Variants in C4orf50 observed in about 807,000 individuals in gnomAD.
C4orf50 encodes the protein uncharacterized protein C4orf50.
In C4orf50, 80 loss-of-function variants were observed where a neutral mutation model predicts 77.2. The ratio of observed to expected loss-of-function variants is 1.04; its 90% CI spans 0.87 to 1.25. The LOEUF is 1.25. C4orf50 is among the 50% of genes most tolerant of loss of function. The pLI is 0.00. For missense variants in C4orf50, 1,257 were observed against 1,152.9 expected (o/e 1.09, Z -1.31); for synonymous variants, 532 against 465.3 (o/e 1.14, Z -1.84).
chr4:5,904,313 C>G (rs981374547), intron 7 of C4orf50: 2 of 152,292 alleles, frequency 1.3e-5, no homozygotes, highest in African/African-American at 4.8e-5. Flanking sequence ...GCAACTGGGC[C>G]GTGATGCTCT....
At chr4:5,923,172 A>G (rs577322130) in intron 7 of C4orf50, 1 of 154,444 alleles carries the variant, frequency 6.5e-6, no homozygotes, top group African/African-American at 2.4e-5. Flanking sequence ...AATGCAAGGG[A>G]GCGATTATAA....
chr4:5,980,200 G>T (rs768362868), exon 29 of C4orf50: 2 of 1,603,336 alleles, frequency 1.2e-6, no homozygotes, highest in South Asian at 1.1e-5. Flanking sequence ...TCCTGGAGGC[G>T]GGTGGCCTCG....
At position 5,900,235 on chromosome 4, in the gene C4orf50, A is replaced by AG; in HGVS notation, c.*2475-2048_*2475-2047insC. ...AGTTTACTCAATAAATTGCTGAGTA[A>AG]AACAAATAGAAAGGACCCCAGCTGT... is the stretch of plus-strand genomic sequence containing the variant. On this transcript the variant is annotated intron_variant, in intron 7 of 7. Coordinates refer to the C4orf50 transcript ENST00000324058. The surrounding 1 kb of genome is among the most constrained non-coding windows in gnomAD (Gnocchi z 4.3). The AG allele has an allele frequency of 6.6e-6, 1 of 152,272 alleles. No individual in the cohort carries two copies. Among genetic ancestry groups the AG allele is most frequent in the East Asian group, 1.9e-4 (1 of 5,174 alleles). 9.4% of individuals were successfully genotyped at this position (152,272 alleles called of 1,614,324 possible).
intron 28 of C4orf50, among the ~76,000 whole-genome samples, chr4:5,983,002 C>A (rs73212636): frequency 0.23 from 34,397 of 151,892 alleles, 4,036 homozygotes; most frequent in Middle Eastern, 0.27. Context: ...GATCTCATGC[C>A]CAGTGCAGTA....
intron 7 of C4orf50, among the ~76,000 whole-genome samples, chr4:5,928,401 C>CG (rs1279784242): frequency 6.6e-6 from 1 of 152,012 alleles, no homozygotes; most frequent in Non-Finnish European, 1.5e-5. Context: ...CACACACACC[C>CG]TGAAGATACC....
At chr4:5,929,703 C>T (rs1373849011) in intron 7 of C4orf50, among the ~76,000 whole-genome samples, 3 of 152,248 alleles carry the variant, frequency 2.0e-5, no homozygotes, top group Admixed American at 1.3e-4. Context: ...GGCTGCCCAG[C>T]GCTCTGTGAG....
exon 28 of C4orf50, chr4:5,990,282 G>A: frequency 8.4e-7 from 1 of 1,186,072 alleles, no homozygotes; most frequent in Non-Finnish European, 1.1e-6. Context: ...CCAAGCTCAG[G>A]TTCTGATGGC....
intron 31 of C4orf50, among the ~76,000 whole-genome samples, chr4:5,968,758 G>A (rs7672568): frequency 6.6e-6 from 1 of 151,130 alleles, no homozygotes; most frequent in Non-Finnish European, 1.5e-5. Flanking sequence ...CCTGGGTTTA[G>A]AGTCAGGTGT....
chr4:5,906,858 A>T (rs1716571554), intron 7 of C4orf50, among the ~76,000 whole-genome samples: 1 of 152,196 alleles, frequency 6.6e-6, no homozygotes, highest in African/African-American at 2.4e-5. Flanking sequence ...ACAAAAATAA[A>T]CCAGATTTAA....
At chr4:5,962,188 G>A (rs753003901) in intron 33 of C4orf50, among the ~76,000 whole-genome samples, 1 of 152,206 alleles carries the variant, frequency 6.6e-6, no homozygotes, top group Non-Finnish European at 1.5e-5. Context: ...TGCTTCTGAA[G>A]GCCTCCCATG....
Position 6,009,630 on chromosome 4 carries a change from GTCACTACAGAA to G in C4orf50, c.427-1109_427-1099del, listed in dbSNP as rs1478601385. 2.0e-5 allele frequency among the ~76,000 whole-genome samples: 3 copies of G among 152,152 alleles called. No individual in the cohort carries two copies. The highest frequency in any genetic ancestry group is 7.2e-5 in the African/African-American group (3 of 41,444). On this transcript the variant is annotated intron_variant, in intron 24 of 33. Coordinates refer to ENST00000531445, the Ensembl canonical transcript of C4orf50. This position sits in a 1 kb window ranked among gnomAD's most constrained non-coding sequence, Gnocchi z 5.6. ...TTGACAGCTTTCAGAATGACCGCAG[GTCACTACAGAA>G]ACGAGGCATCTTCATATGCAAATGC...
At chr4:5,930,903 G>A (rs1001740757) in intron 7 of C4orf50, among the ~76,000 whole-genome samples, 72 of 152,340 alleles carry the variant, frequency 4.7e-4, no homozygotes, top group Non-Finnish European at 6.2e-4. Flanking sequence ...AGAGTGCTGG[G>A]AAGCGGAGAG....
Position 5,992,653 on chromosome 4 carries a change from T to G in C4orf50, c.1221+150A>C. On this transcript the variant is annotated intron_variant, in intron 27 of 33. Coordinates refer to ENST00000531445, the Ensembl canonical transcript of C4orf50. The surrounding 1 kb of genome is among the most constrained non-coding windows in gnomAD (Gnocchi z 5.0). ...GGATGTTTCATTTCCTCTCCTCAAA[T>G]CTCTCTCTCAACTACTTCCAGAATG... is the stretch of plus-strand genomic sequence containing the variant. The G allele has an allele frequency of 3.1e-6, 1 of 323,300 alleles. No individual in the cohort carries two copies. Among genetic ancestry groups the G allele is most frequent in the Non-Finnish European group, 5.6e-6 (1 of 179,220 alleles). 20.0% of individuals were successfully genotyped at this position (323,300 alleles called of 1,614,324 possible).
chr4:5,953,879 G>A (rs969423726), downstream of C4orf50, among the ~76,000 whole-genome samples: 69 of 152,234 alleles, frequency 4.5e-4, no homozygotes, highest in African/African-American at 1.5e-3. Flanking sequence ...TGGCCAGGAC[G>A]GCTGAGGCAG....
At chr4:5,939,390 C>A (rs1012480525) in intron 7 of C4orf50, among the ~76,000 whole-genome samples, 1 of 152,172 alleles carries the variant, frequency 6.6e-6, no homozygotes, top group African/African-American at 2.4e-5. Context: ...CCACAGGGAT[C>A]CAAAATGGTC....
chr4:5,982,206 A>C (rs543635194), intron 28 of C4orf50, among the ~76,000 whole-genome samples: 1 of 151,520 alleles, frequency 6.6e-6, no homozygotes, highest in East Asian at 2.0e-4. Context: ...TGCCTCCTCT[A>C]CCTCCCTCCT....
rs549427990 is a variant in C4orf50, at chr4:6,009,266, C to G, written c.427-734G>C. Among the ~76,000 whole-genome samples, 23 of 152,294 alleles carry G rather than the reference C, an allele frequency of 1.5e-4. No individual in the cohort carries two copies. Among genetic ancestry groups the G allele is most frequent in the South Asian group, 6.2e-4 (3 of 4,818 alleles). On this transcript the variant is annotated intron_variant, in intron 24 of 33. Transcript: ENST00000531445. This position sits in a 1 kb window ranked among gnomAD's most constrained non-coding sequence, Gnocchi z 5.6. ...CTGGACTGGGGTGCACAACCCACTG[C>G]GAAAATTAGAGCCGTTGCCTACTTT...
rs1196103762 is a variant in C4orf50, at chr4:5,916,210, A to G, written c.*2475-18022T>C. Reference sequence around the variant, plus strand: ...TCTGTCCTGGCTTCCCTCACTGGACAGGGAACAGACGCACCAACAGCTCCT... The same window carrying G: ...TCTGTCCTGGCTTCCCTCACTGGACGGGGAACAGACGCACCAACAGCTCCT... On this transcript the variant is annotated intron_variant, in intron 7 of 7. Transcript: ENST00000324058. The surrounding 1 kb of genome is among the most constrained non-coding windows in gnomAD (Gnocchi z 4.4). 6.6e-6 allele frequency among the ~76,000 whole-genome samples: 1 copy of G among 152,210 alleles called. No individual in the cohort carries two copies. Among genetic ancestry groups the G allele is most frequent in the Non-Finnish European group, 1.5e-5 (1 of 68,040 alleles).
Position 5,964,927 on chromosome 4 carries a change from G to A in C4orf50, c.4275+97C>T, listed in dbSNP as rs1719482849. On this transcript the variant is annotated intron_variant, in intron 33 of 33. Transcript: ENST00000531445. ...TTTCTTGACCTGGTGGTGGCTTTCT[G>A]GGTGTATATCGCTTGGATAATTTGC... The A allele has an allele frequency of 5.1e-6, 6 of 1,171,676 alleles. No homozygotes were observed. In the East Asian group the frequency reaches 1.2e-4, roughly 24 times the overall value. The allele number at this position is 1,171,676 out of a possible 1,614,324, so 72.6% of individuals were successfully genotyped here.
Sources: allele counts gnomAD v4.1 joint callset (sites outside exome capture counted in the v4.1 genomes callset), GRCh38; gene constraint gnomAD v4.1.1; non-coding constraint Gnocchi (gnomAD v3.1); transcripts MANE v1.5; gene names NCBI Gene and HGNC (gene_info 2026-07-23, HGNC 2026-07-21).